Variants in ANK1 observed in about 807,000 individuals in gnomAD.
The protein encoded by ANK1 is ankyrin 1.
Under a neutral mutation model 210.4 loss-of-function variants are expected in ANK1, and 51 were observed. That is an observed-to-expected ratio of 0.24 (90% CI 0.19 to 0.31). The LOEUF (loss-of-function observed/expected upper bound fraction) is 0.31, where lower values mean the gene tolerates loss of function less well. Ranked by LOEUF, ANK1 falls within the 10% of genes least tolerant of loss-of-function variation. ANK1 has a pLI of 1.00. For missense variants in ANK1, 2,051 were observed against 2,504.4 expected (o/e 0.82, Z 3.86); for synonymous variants, 967 against 1,025.9 (o/e 0.94, Z 1.10).
intron 1 of ANK1, among the ~76,000 whole-genome samples, chr8:41,820,092 T>C (rs1336419607): frequency 6.6e-6 from 1 of 151,808 alleles, no homozygotes; most frequent in Non-Finnish European, 1.5e-5. Context: ...AAAATACTCA[T>C]ACTCCCCCAA....
At chr8:41,863,904 A>G (rs1472768786) in intron 1 of ANK1, among the ~76,000 whole-genome samples, 1 of 152,170 alleles carries the variant, frequency 6.6e-6, no homozygotes, top group African/African-American at 2.4e-5. Context: ...TCTATGAAAC[A>G]GGGGCAATGA....
chr8:41,727,164 G>C (rs1206889040), intron 5 of ANK1, 86 bp downstream of exon 5: 5 of 1,031,400 alleles, frequency 4.8e-6, no homozygotes, highest in Non-Finnish European at 6.1e-6. Context: ...TGCACCCCAA[G>C]CCACATCCCA....
Position 41,857,476 on chromosome 8 carries a change from C to T in ANK1, c.126+38879G>A, listed in dbSNP as rs138272020. 4.0e-5 allele frequency among the ~76,000 whole-genome samples: 6 copies of T among 151,320 alleles called. No individual in the cohort carries two copies. The East Asian group carries it at 7.9e-4, about 20-fold the overall frequency. On this transcript the variant is annotated intron_variant, in intron 1 of 42. Transcript: ENST00000265709. ...AAATTAGGCCAGGTGCAGTGGCTCA[C>T]GCCTGTAATCCCAGCACTTTGGGAA...
chr8:41,754,819 C>T (rs149200662), intron 2 of ANK1, among the ~76,000 whole-genome samples: 274 of 152,334 alleles, frequency 1.8e-3, no homozygotes, highest in African/African-American at 5.9e-3. Flanking sequence ...CAAAACCAAA[C>T]TGCCCTGTGC....
In ANK1 at chr8:41,717,041, G is replaced by T; in HGVS notation, c.1316C>A (p.Thr439Asn). 2 of 1,614,212 alleles carry T rather than the reference G, an allele frequency of 1.2e-6. No homozygotes were observed. Among genetic ancestry groups the T allele is most frequent in the Non-Finnish European group, 1.7e-6 (2 of 1,180,034 alleles). ...GGCTCTGGCTGCCATGTGTAGCGGG[G>T]TCTCCACTTTCTATAAAATAACAAA... is the stretch of plus-strand genomic sequence containing the variant. Reference protein sequence around the residue: ...SPNVSNVKVETPLHMAARAGH... With the variant: ...SPNVSNVKVENPLHMAARAGH... Residue 439 changes from threonine to asparagine, a missense_variant, in exon 13 of 43, where the codon ACC becomes AAC. Coordinates refer to ENST00000289734, the MANE Select transcript of ANK1 (RefSeq NM_000037.4).
At chr8:41,719,909 C>CA (rs1232786069) in intron 9 of ANK1, 51 bp from the exon 10 acceptor site, 3 of 1,591,398 alleles carry the variant, frequency 1.9e-6, no homozygotes, top group Non-Finnish European at 2.6e-6. Flanking sequence ...GGGGACCGAG[C>CA]ATGGAGATTC....
chr8:41,769,779 C>T (rs767288512), intron 1 of ANK1, among the ~76,000 whole-genome samples: 6 of 151,988 alleles, frequency 3.9e-5, no homozygotes, highest in African/African-American at 7.3e-5. Flanking sequence ...TGCCTCCTGC[C>T]GGCCAGTCCA....
At chr8:41,697,767 C>CA (rs1821497003) in intron 24 of ANK1, 1 of 529,928 alleles carries the variant, frequency 1.9e-6, no homozygotes, top group Non-Finnish European at 3.5e-6. Context: ...GTCAAGGACC[C>CA]ACTGGTTTCT....
intron 1 of ANK1, among the ~76,000 whole-genome samples, chr8:41,883,862 T>C (rs1015225820): frequency 1.3e-5 from 2 of 152,184 alleles, no homozygotes; most frequent in Non-Finnish European, 2.9e-5. Flanking sequence ...GGACTGGAAC[T>C]AAGCACAGCT....
rs1287930862 is a variant in ANK1 at position 41,654,422 on chromosome 8, G to T, written c.*1368C>A. The T allele has an allele frequency of 6.5e-6, 1 of 152,676 alleles. No individual in the cohort carries two copies. The allele number at this position is 152,676 out of a possible 1,614,324, so 9.5% of individuals were successfully genotyped here. A position where few individuals can be genotyped will look rare whatever the true frequency, so the allele number is the denominator to read the frequency against. ...CCTCTCCAAGAGGCCACAGGGGCTG[G>T]GCAGAGGGGAGGCACTGAGGCAGGA... is the stretch of plus-strand genomic sequence containing the variant. On this transcript the variant is annotated 3_prime_UTR_variant, in exon 43 of 43. Transcript: ENST00000289734.
At chr8:41,884,647 C>T (rs766871883) in intron 1 of ANK1, among the ~76,000 whole-genome samples, 1 of 152,104 alleles carries the variant, frequency 6.6e-6, no homozygotes, top group African/African-American at 2.4e-5. Flanking sequence ...CCAGCCTGGG[C>T]AACATAGTGA....
In ANK1 at chr8:41,802,948, A is replaced by AG. The variant is rs555272770; in HGVS notation, c.127-44812dup. ...AAGAAAGAGAGAAAGGGAGAGAGAA[A>AG]GGGGGGGGGGGAGAGAGAGAGAGAT... is the stretch of plus-strand genomic sequence containing the variant. On this transcript the variant is annotated intron_variant, in intron 1 of 42. Transcript: ENST00000265709. 7.7e-3 allele frequency among the ~76,000 whole-genome samples: 238 copies of AG among 31,092 alleles called. 14 individuals are homozygous for AG. Among genetic ancestry groups the AG allele is most frequent in the African/African-American group, 0.02 (179 of 9,166 alleles). 20.4% of individuals were successfully genotyped at this position (31,092 alleles called of 152,430 possible). A position where few individuals can be genotyped will look rare whatever the true frequency, so the allele number is the denominator to read the frequency against.
At chr8:41,864,711 A>G (rs1587498776) in intron 1 of ANK1, among the ~76,000 whole-genome samples, 2 of 152,294 alleles carry the variant, frequency 1.3e-5, no homozygotes, top group Middle Eastern at 3.4e-3. Context: ...GGGAAAGGAT[A>G]ATTCAGACCC....
intron 2 of ANK1, among the ~76,000 whole-genome samples, chr8:41,746,394 TGA>T (rs2150693517): frequency 6.6e-6 from 1 of 152,224 alleles, no homozygotes; most frequent in Admixed American, 6.5e-5. Flanking sequence ...GAGAAGAAAC[TGA>T]GAGGACAGCA....
intron 1 of ANK1, among the ~76,000 whole-genome samples, chr8:41,814,559 G>A (rs989164974): frequency 1.3e-5 from 2 of 152,030 alleles, no homozygotes; most frequent in Non-Finnish European, 2.9e-5. Flanking sequence ...TGTTTTCCAT[G>A]AATCTCCTTA....
intron 40 of ANK1, 54 bp downstream of exon 40, chr8:41,663,605 A>T: frequency 6.5e-7 from 1 of 1,548,538 alleles, no homozygotes; most frequent in Non-Finnish European, 8.9e-7. Flanking sequence ...ACCACCTTTT[A>T]GCTTCTAGCC....
intron 23 of ANK1, among the ~76,000 whole-genome samples, chr8:41,698,862 T>C (rs1356191766): frequency 2.0e-5 from 3 of 152,072 alleles, no homozygotes; most frequent in Non-Finnish European, 4.4e-5. Flanking sequence ...AGTGGCGCGA[T>C]CTTGGCTCAC....
intron 18 of ANK1, among the ~76,000 whole-genome samples, chr8:41,705,234 G>A (rs973347102): frequency 3.3e-5 from 5 of 152,312 alleles, no homozygotes; most frequent in Admixed American, 3.3e-4. Context: ...CCAGATTCCA[G>A]AGACCACCCA....
chr8:41,690,557 G>C lies in ANK1; in HGVS notation c.3901C>G (p.Leu1301Val). Residue 1301 changes from leucine (L) to valine (V), a missense_variant, in exon 32 of 43, where the codon CTG becomes GTG. By Grantham distance (32) the Leu-to-Val change is conservative (BLOSUM62 1). Transcript: ENST00000289734. ...TGGGCAGCTTTCTTCACAGGCACCA[G>C]GTTCCCAGAGAGTTCTGCAAACAGG... ...MSLFAELSGN[L>V]VPVKKAAQQR... 6.2e-7 allele frequency: 1 copy of C among 1,613,836 alleles called. No individual in the cohort carries two copies. Among genetic ancestry groups the C allele is most frequent in the South Asian group, 1.1e-5 (1 of 91,082 alleles).
Sources: gnomAD v4.1 joint callset for allele counts (sites outside exome capture counted in the v4.1 genomes callset) on GRCh38, gnomAD v4.1.1 for gene constraint, MANE v1.5 for transcripts, NCBI Gene and HGNC (gene_info 2026-07-23, HGNC 2026-07-21) for gene names.